The following HFM1 variants were observed in gnomAD, a reference collection of about 807,000 sequenced individuals.
HFM1 encodes the protein probable ATP-dependent DNA helicase HFM1.
A neutral mutation model predicts 192.1 loss-of-function variants in HFM1; 169 were observed. The ratio of observed to expected loss-of-function variants is 0.88; its 90% CI spans 0.78 to 1.00. The LOEUF is 1.00. Ranked by LOEUF, HFM1 falls within the 50% of genes least tolerant of loss-of-function variation. The pLI, the probability that HFM1 is intolerant of heterozygous loss-of-function variation, is 0.00. For synonymous variants in HFM1, 525 were observed against 537.8 expected (o/e 0.98, Z 0.33); for missense variants, 1,661 against 1,668.0 (o/e 1.00, Z 0.07).
At chr1:91,353,665 A>C (rs1465804665) in intron 13 of HFM1, among the ~76,000 whole-genome samples, 1 of 150,834 alleles carries the variant, frequency 6.6e-6, no homozygotes, top group Non-Finnish European at 1.5e-5. Flanking sequence ...AAAAAAAAAA[A>C]AAAAAAACAT....
intron 30 of HFM1, among the ~76,000 whole-genome samples, chr1:91,310,642 A>G (rs933508099): frequency 6.6e-6 from 1 of 152,174 alleles, no homozygotes; most frequent in African/African-American, 2.4e-5. Context: ...GGGGGAGGTA[A>G]TTGAATCATG....
chr1:91,315,032 T>C (rs2101161679), intron 28 of HFM1, among the ~76,000 whole-genome samples: 1 of 152,306 alleles, frequency 6.6e-6, no homozygotes, highest in South Asian at 2.1e-4. Flanking sequence ...AGTACAGTAA[T>C]ATGGTTGGGA....
chr1:91,403,225 G>C (rs1571258706), intron 1 of HFM1, among the ~76,000 whole-genome samples: 1 of 152,214 alleles, frequency 6.6e-6, no homozygotes, highest in East Asian at 1.9e-4. Context: ...ACCCAGAATA[G>C]TGCCTGGCAC....
intron 30 of HFM1, among the ~76,000 whole-genome samples, chr1:91,285,973 A>C (rs1243169876): frequency 6.6e-6 from 1 of 152,198 alleles, no homozygotes; most frequent in African/African-American, 2.4e-5. Context: ...CTTGTGTTCA[A>C]GTAACCCTTG....
chr1:91,349,274 A>G (rs940547273), intron 18 of HFM1, among the ~76,000 whole-genome samples: 2 of 105,984 alleles, frequency 1.9e-5, no homozygotes, highest in South Asian at 8.9e-4. Flanking sequence ...GGCAATCAAG[A>G]GAGGCTATCT....
At chr1:91,404,180 C>T (rs1008299690) in intron 1 of HFM1, among the ~76,000 whole-genome samples, 1 of 152,222 alleles carries the variant, frequency 6.6e-6, no homozygotes, top group Non-Finnish European at 1.5e-5. Context: ...AGCCCCAGAT[C>T]TCACCCCCTC....
At chr1:91,285,746 AAAT>A (rs749406872) in intron 30 of HFM1, among the ~76,000 whole-genome samples, 175 of 152,324 alleles carry the variant, frequency 1.1e-3, no homozygotes, top group Non-Finnish European at 2.2e-3. Flanking sequence ...TCTGGTCCGA[AAAT>A]ATTACATGAA....
Position 91,380,221 on chromosome 1 carries a change from T to C in HFM1, c.889A>G (p.Arg297Gly), listed in dbSNP as rs111276867. The C allele has an allele frequency of 1.9e-6, 3 of 1,576,794 alleles. No individual in the cohort carries two copies. The highest frequency in any genetic ancestry group is 2.3e-5 in the East Asian group (1 of 43,340). The change falls in exon 8 of 39, where the codon AGG becomes GGG. Residue 297 changes from arginine (R) to glycine (G), a missense_variant. Coordinates refer to ENST00000370425, the MANE Select transcript of HFM1 (RefSeq NM_001017975.6). ...KAFDDLLYTD[R>G]NFVICAPTGS... ...GTTGGAGCACAAATCACAAAATTCC[T>C]ATCTGTGTAAAGAAGCTAAAAAATA...
chr1:91,293,430 C>A (rs1380828362), intron 30 of HFM1, among the ~76,000 whole-genome samples: 1 of 151,934 alleles, frequency 6.6e-6, no homozygotes, highest in African/African-American at 2.4e-5. Flanking sequence ...TTTATGCAGC[C>A]AAAAAACACA....
At chr1:91,330,483 A>G (rs372951913) in intron 20 of HFM1, among the ~76,000 whole-genome samples, 32 of 152,270 alleles carry the variant, frequency 2.1e-4, no homozygotes, top group African/African-American at 6.3e-4. Flanking sequence ...CAGAAAAATA[A>G]TAAGTAATGA....
intron 10 of HFM1, 77 bp downstream of exon 10, chr1:91,378,326 T>A (rs1007188257): frequency 1.5e-6 from 2 of 1,318,264 alleles, no homozygotes; most frequent in East Asian, 4.7e-5. Flanking sequence ...TATAGTTTGG[T>A]TGCAATGTCT....
rs191411096 is a variant in HFM1 at position 91,337,983 on chromosome 1, G to A, written c.2335+5447C>T. On this transcript the variant is annotated intron_variant, in intron 20 of 38. Transcript: ENST00000370425. ...GATCTTCAGAAGGAAGTCATTGAGGGTGGTTGGAGGGAAGACACAGACCCT... is the reference window on the plus strand; with the variant it reads ...GATCTTCAGAAGGAAGTCATTGAGGATGGTTGGAGGGAAGACACAGACCCT... 4.6e-5 allele frequency among the ~76,000 whole-genome samples: 7 copies of A among 152,308 alleles called. No homozygotes were observed. In the East Asian group the frequency reaches 1.3e-3, roughly 29 times the overall value.
At chr1:91,286,168 C>T (rs1667953338) in intron 30 of HFM1, among the ~76,000 whole-genome samples, 1 of 152,220 alleles carries the variant, frequency 6.6e-6, no homozygotes, top group Non-Finnish European at 1.5e-5. Flanking sequence ...AACTATCTTT[C>T]TGTCCTATTC....
chr1:91,338,112 C>T (rs1654838829), intron 20 of HFM1, among the ~76,000 whole-genome samples: 1 of 152,096 alleles, frequency 6.6e-6, no homozygotes, highest in East Asian at 1.9e-4. Context: ...GAGGAGTGGC[C>T]CACTCTTGTC....
chr1:91,273,663 G>T, intron 34 of HFM1, 49 bp downstream of exon 34: 2 of 940,300 alleles, frequency 2.1e-6, no homozygotes, highest in Non-Finnish European at 3.4e-6. Context: ...TCAATTCAAA[G>T]TAATAATAAG....
At chr1:91,377,870 T>C in intron 11 of HFM1, 155 bp downstream of exon 11, 1 of 695,712 alleles carries the variant, frequency 1.4e-6, no homozygotes, top group Non-Finnish European at 2.5e-6. Context: ...ATGGCCTTAA[T>C]ACTGTTATAT....
rs1283226096 is a variant in HFM1 at position 91,277,078 on chromosome 1, A to G, written c.3392-16T>C. The G allele has an allele frequency of 2.1e-6, 3 of 1,419,284 alleles. No homozygotes were observed. The South Asian group carries it at 3.8e-5, about 18-fold the overall frequency. The allele number at this position is 1,419,284 out of a possible 1,614,324, so 87.9% of individuals were successfully genotyped here. ...GCAGTCGTTCCTAAATTAATATAAGAAAAACAAATCCATTTGTCACTACAT... is the reference window on the plus strand; with the variant it reads ...GCAGTCGTTCCTAAATTAATATAAGGAAAACAAATCCATTTGTCACTACAT... On this transcript the variant is annotated splice_polypyrimidine_tract_variant and intron_variant, in intron 30 of 38. Transcript: ENST00000370425.
At chr1:91,264,538 A>C (rs1263988284) in intron 36 of HFM1, among the ~76,000 whole-genome samples, 1 of 148,860 alleles carries the variant, frequency 6.7e-6, no homozygotes, top group Non-Finnish European at 1.5e-5. Flanking sequence ...ACGCCCGGCT[A>C]ATTTTTTTGT....
At chr1:91,348,235 T>G (rs1656403951) in intron 18 of HFM1, among the ~76,000 whole-genome samples, 1 of 152,066 alleles carries the variant, frequency 6.6e-6, no homozygotes, top group Non-Finnish European at 1.5e-5. Flanking sequence ...GAAAATAAAG[T>G]AACTATGAAA....
Sources: gnomAD v4.1 joint callset for allele counts (sites outside exome capture counted in the v4.1 genomes callset) on GRCh38, gnomAD v4.1.1 for gene constraint, MANE v1.5 for transcripts, NCBI Gene and HGNC (gene_info 2026-07-23, HGNC 2026-07-21) for gene names.